RNF216: variants seen among roughly 807,000 people sequenced by gnomAD.
RNF216 encodes ring finger protein 216, also known as E3 ubiquitin-protein ligase RNF216.
Under a neutral mutation model 110.8 loss-of-function variants are expected in RNF216, and 72 were observed. The observed-to-expected ratio is 0.65, with a 90% CI of 0.54 to 0.79. RNF216 has a LOEUF of 0.79. Ranked by LOEUF, RNF216 falls within the 30% of genes least tolerant of loss-of-function variation. The pLI is 0.00. For synonymous variants in RNF216, 495 were observed against 407.5 expected, an observed-to-expected ratio of 1.21 and a Z score of -2.59; for missense variants, 1,342 against 1,141.2, an observed-to-expected ratio of 1.18 and a Z score of -2.54.
At chr7:5,708,896 A>T (rs932345465) in intron 13 of RNF216, among the ~76,000 whole-genome samples, 1 of 152,140 alleles carries the variant, frequency 6.6e-6, no homozygotes, top group African/African-American at 2.4e-5. Context: ...CCCAAAAAGC[A>T]GCCTTCGAGG....
chr7:5,742,760 T>C (rs1389379071), intron 3 of RNF216, among the ~76,000 whole-genome samples: 1 of 151,930 alleles, frequency 6.6e-6, no homozygotes, highest in Non-Finnish European at 1.5e-5. Flanking sequence ...TACATCCAGC[T>C]AATTTTTCTA....
chr7:5,754,130 GT>G (rs2128665167), intron 2 of RNF216, among the ~76,000 whole-genome samples: 1 of 125,120 alleles, frequency 8.0e-6, no homozygotes, highest in Admixed American at 7.5e-5. Flanking sequence ...GTGTGTGTGT[GT>G]GTGTGTGTGT....
At chr7:5,753,076 T>C in intron 2 of RNF216, 97 bp from the exon 3 acceptor site, 1 of 1,248,244 alleles carries the variant, frequency 8.0e-7, no homozygotes, top group East Asian at 2.5e-5. Context: ...AAAGCCAACT[T>C]CATGGCTACT....
chr7:5,755,201 G>A (rs75414874), intron 2 of RNF216, among the ~76,000 whole-genome samples: 3,473 of 129,326 alleles, frequency 0.027, 63 homozygotes, highest in Non-Finnish European at 0.042. Flanking sequence ...AGGAAGGAAG[G>A]GAGGGAAGGA....
At chr7:5,773,485 C>T (rs1380756737) in intron 1 of RNF216, among the ~76,000 whole-genome samples, 1 of 152,002 alleles carries the variant, frequency 6.6e-6, no homozygotes, top group Admixed American at 6.6e-5. Flanking sequence ...TCGTGATTTC[C>T]CCGCCTTGGT....
chr7:5,625,426 T>C (rs1321740212), intron 15 of RNF216, among the ~76,000 whole-genome samples: 1 of 152,204 alleles, frequency 6.6e-6, no homozygotes, highest in Non-Finnish European at 1.5e-5. Flanking sequence ...GGAATATTAA[T>C]AATGATCAGT....
At chr7:5,641,484 T>C in intron 14 of RNF216, 108 bp from the exon 15 acceptor site, 1 of 904,610 alleles carries the variant, frequency 1.1e-6, no homozygotes, top group Non-Finnish European at 1.7e-6. Flanking sequence ...TTATGGCTTT[T>C]TTGTGACATT....
At chr7:5,730,627 T>G in intron 6 of RNF216, 88 bp downstream of exon 6, 1 of 1,587,944 alleles carries the variant, frequency 6.3e-7, no homozygotes, top group Admixed American at 1.8e-5. Flanking sequence ...ACAAAGCACT[T>G]TCTTCCCACA....
At chr7:5,738,548 A>T (rs1187752956) in intron 5 of RNF216, among the ~76,000 whole-genome samples, 2 of 151,902 alleles carry the variant, frequency 1.3e-5, no homozygotes, top group Non-Finnish European at 2.9e-5. Context: ...CTCTACTAAA[A>T]ATACACAAAA....
intron 13 of RNF216, among the ~76,000 whole-genome samples, chr7:5,660,719 A>C (rs1171418085): frequency 1.3e-5 from 2 of 151,992 alleles, no homozygotes; most frequent in Non-Finnish European, 2.9e-5. Flanking sequence ...CTGGGACCAC[A>C]GGTGTGCACC....
intron 14 of RNF216, among the ~76,000 whole-genome samples, chr7:5,646,423 G>A (rs191878423): frequency 8.0e-4 from 121 of 152,076 alleles, no homozygotes; most frequent in African/African-American, 2.6e-3. Context: ...GCCAGGTGCC[G>A]TGGCTCACAC....
intron 1 of RNF216, chr7:5,777,369 T>TTCTAGA (rs1319152237): frequency 3.9e-5 from 6 of 152,242 alleles, no homozygotes; most frequent in African/African-American, 1.4e-4. Flanking sequence ...AGATTTTATT[T>TTCTAGA]TCTAGCCAAT....
At chr7:5,774,619 A>G (rs1334697349) in intron 1 of RNF216, among the ~76,000 whole-genome samples, 1 of 152,232 alleles carries the variant, frequency 6.6e-6, no homozygotes, top group Non-Finnish European at 1.5e-5. Context: ...GGCTATGTTG[A>G]AAAATGAGAA....
chr7:5,709,073 GAA>G (rs1275194500), intron 13 of RNF216, among the ~76,000 whole-genome samples: 33 of 152,254 alleles, frequency 2.2e-4, no homozygotes, highest in African/African-American at 7.7e-4. Flanking sequence ...AGAAAACCTA[GAA>G]TGCTGGACTC....
intron 3 of RNF216, among the ~76,000 whole-genome samples, chr7:5,751,879 AAAAC>A (rs1402899529): frequency 5.3e-5 from 8 of 151,644 alleles, no homozygotes; most frequent in African/African-American, 1.7e-4. Context: ...TAGTTTAAAA[AAAAC>A]AGTTTAAAAA....
intron 13 of RNF216, among the ~76,000 whole-genome samples, chr7:5,684,966 C>T (rs1370633116): frequency 6.6e-6 from 1 of 152,018 alleles, no homozygotes; most frequent in East Asian, 1.9e-4. Context: ...TCAGGATGTG[C>T]AGGGGGTATC....
chr7:5,655,472 C>T (rs1225458546), intron 13 of RNF216, among the ~76,000 whole-genome samples: 1 of 152,074 alleles, frequency 6.6e-6, no homozygotes, highest in Non-Finnish European at 1.5e-5. Context: ...GTGGCAAATG[C>T]CTGTAATCCC....
intron 1 of RNF216, among the ~76,000 whole-genome samples, chr7:5,764,465 T>C (rs1188235624): frequency 6.6e-6 from 1 of 151,820 alleles, no homozygotes; most frequent in African/African-American, 2.4e-5. Flanking sequence ...CTGGTCAACA[T>C]GGCAAAACGC....
chr7:5,661,866 C>T (rs566289476), intron 13 of RNF216, among the ~76,000 whole-genome samples: 3 of 152,152 alleles, frequency 2.0e-5, no homozygotes, highest in Admixed American at 6.5e-5. Flanking sequence ...TTAATTTGGT[C>T]GAGGTCACAG....
Sources: gnomAD v4.1 joint callset for allele counts (sites outside exome capture counted in the v4.1 genomes callset) on GRCh38, gnomAD v4.1.1 for gene constraint, MANE v1.5 for transcripts, NCBI Gene and HGNC (gene_info 2026-07-23, HGNC 2026-07-21) for gene names.